Variants in DGKB observed in about 807,000 individuals in gnomAD.
The protein encoded by DGKB is diacylglycerol kinase beta.
DGKB carries 67 observed loss-of-function variants against 114.3 expected under a neutral mutation model. The observed-to-expected ratio is 0.59, with a 90% confidence interval of 0.48 to 0.72. The LOEUF is 0.72. Among genes scored for constraint, DGKB ranks in the 30% least tolerant of loss-of-function variants. DGKB has a pLI of 0.00. For synonymous variants in DGKB, 398 were observed against 323.1 expected, an observed-to-expected ratio of 1.23 and a Z score of -2.49; for missense variants, 907 against 975.2, an observed-to-expected ratio of 0.93 and a Z score of 0.93.
chr7:14,286,664 A>T (rs902616131), intron 23 of DGKB, among the ~76,000 whole-genome samples: 1 of 152,130 alleles, frequency 6.6e-6, no homozygotes, highest in Admixed American at 6.6e-5. Flanking sequence ...TATAAAATAC[A>T]TGTTTTTCAA....
Position 14,585,039 on chromosome 7 carries a change from T to A in DGKB, c.1434-1902A>T, listed in dbSNP as rs113715213. On this transcript the variant is annotated intron_variant, in intron 17 of 25. Coordinates refer to ENST00000402815, the MANE Select transcript of DGKB (RefSeq NM_001350709.2). The stretch of plus-strand genomic sequence containing the variant: ...TTTAAATTTGCATCATTTAAAAAAA[T>A]TTTGTCAAGGTAATACCAACACTGC... Among the ~76,000 whole-genome samples, 374 of 152,194 alleles carry A rather than the reference T, an allele frequency of 2.5e-3. 2 individuals carry two copies. Among genetic ancestry groups the A allele is most frequent in the African/African-American group, 8.6e-3 (359 of 41,516 alleles).
chr7:14,744,721 A>G (rs1833023597), intron 4 of DGKB, among the ~76,000 whole-genome samples: 1 of 152,234 alleles, frequency 6.6e-6, no homozygotes, highest in Non-Finnish European at 1.5e-5. Flanking sequence ...TTTTGCAAAC[A>G]ACTCAGTCCT....
intron 23 of DGKB, among the ~76,000 whole-genome samples, chr7:14,296,613 C>A (rs1270636027): frequency 6.6e-6 from 1 of 151,916 alleles, no homozygotes; most frequent in Non-Finnish European, 1.5e-5. Flanking sequence ...AAAATGGACA[C>A]CCTAACTTCA....
intron 25 of DGKB, among the ~76,000 whole-genome samples, chr7:14,159,829 C>T (rs765980127): frequency 2.6e-5 from 4 of 152,110 alleles, no homozygotes; most frequent in East Asian, 1.9e-4. Context: ...TCCACCACCA[C>T]GCCCAGCTAA....
At chr7:14,607,347 T>G in intron 17 of DGKB, 87 bp downstream of exon 17, 1 of 733,022 alleles carries the variant, frequency 1.4e-6, no homozygotes, top group Non-Finnish European at 2.4e-6. Flanking sequence ...TGTGTTCAAA[T>G]AACATTATTT....
intron 25 of DGKB, among the ~76,000 whole-genome samples, chr7:14,162,039 C>T (rs2128225659): frequency 6.6e-6 from 1 of 152,280 alleles, no homozygotes; most frequent in East Asian, 1.9e-4. Flanking sequence ...TAAGCAGGCT[C>T]ACTCTTTAAA....
chr7:14,342,283 C>A (rs1003894213), intron 22 of DGKB, among the ~76,000 whole-genome samples: 3 of 151,774 alleles, frequency 2.0e-5, no homozygotes, highest in Admixed American at 6.6e-5. Flanking sequence ...AACCAAAAGA[C>A]TGAAATATCT....
intron 2 of DGKB, among the ~76,000 whole-genome samples, chr7:14,785,065 T>C (rs916921133): frequency 7.9e-5 from 12 of 152,182 alleles, no homozygotes; most frequent in African/African-American, 2.7e-4. Context: ...GTGCTTTCTA[T>C]AAAGAAAGGG....
In DGKB at chr7:14,499,334, A is replaced by G. The variant is rs927559328; in HGVS notation, c.1771-21109T>C. On this transcript the variant is annotated intron_variant, in intron 20 of 25. Coordinates refer to ENST00000402815, the MANE Select transcript of DGKB (RefSeq NM_001350709.2). ...AGACTTAACAACTTTGGCAGGAAGC[A>G]AGTCTTCATTTGATTTGAAAAATAT... Among the ~76,000 whole-genome samples the G allele has an allele frequency of 2.0e-5, 3 of 151,850 alleles. No homozygotes were observed. The Admixed American group carries it at 2.0e-4, about 10-fold the overall frequency.
chr7:14,479,322 G>T (rs1782647676), intron 20 of DGKB, among the ~76,000 whole-genome samples: 2 of 152,174 alleles, frequency 1.3e-5, no homozygotes, highest in Admixed American at 1.3e-4. Flanking sequence ...AACAAAGCAT[G>T]AAGCACAAAA....
At chr7:14,788,818 T>C (rs1052534810) in intron 2 of DGKB, among the ~76,000 whole-genome samples, 7 of 152,158 alleles carry the variant, frequency 4.6e-5, no homozygotes, top group Non-Finnish European at 8.8e-5. Context: ...ACAAACTACC[T>C]TCCCAATGGC....
chr7:14,808,296 T>G (rs1372794666), intron 2 of DGKB, among the ~76,000 whole-genome samples: 4 of 152,096 alleles, frequency 2.6e-5, no homozygotes, highest in African/African-American at 4.8e-5. Flanking sequence ...AATAAGTTTT[T>G]ACAGTAGAAA....
At chr7:14,412,953 C>T (rs956901515) in intron 21 of DGKB, among the ~76,000 whole-genome samples, 1 of 149,056 alleles carries the variant, frequency 6.7e-6, no homozygotes, top group African/African-American at 2.5e-5. Context: ...TGCACTGCAG[C>T]CCAGGTGACA....
chr7:14,648,972 C>T, intron 13 of DGKB, among the ~76,000 whole-genome samples: 1 of 82,108 alleles, frequency 1.2e-5, no homozygotes, highest in Non-Finnish European at 2.5e-5. Context: ...ATGAGCAAAG[C>T]CTCCAAGAAA....
chr7:14,199,484 A>G (rs1401416446), intron 23 of DGKB, among the ~76,000 whole-genome samples: 2 of 152,088 alleles, frequency 1.3e-5, no homozygotes, highest in Non-Finnish European at 2.9e-5. Context: ...TCAAAGTAAG[A>G]TAGAGTAACT....
At chr7:14,198,274 A>G (rs1785312937) in intron 23 of DGKB, among the ~76,000 whole-genome samples, 1 of 152,112 alleles carries the variant, frequency 6.6e-6, no homozygotes, top group Non-Finnish European at 1.5e-5. Flanking sequence ...AAAAAATTTC[A>G]TTAGGGAAAT....
chr7:14,635,730 C>A (rs1810624253), intron 13 of DGKB, among the ~76,000 whole-genome samples: 1 of 151,408 alleles, frequency 6.6e-6, no homozygotes, highest in Non-Finnish European at 1.5e-5. Flanking sequence ...GGACAGGGAT[C>A]TGAGGGAAGT....
chr7:14,930,215 G>T (rs1784945404), intron 1 of DGKB, among the ~76,000 whole-genome samples: 1 of 151,986 alleles, frequency 6.6e-6, no homozygotes, highest in Admixed American at 6.6e-5. Flanking sequence ...GGTCTTTTTG[G>T]TTCCATATGA....
intron 22 of DGKB, among the ~76,000 whole-genome samples, chr7:14,340,832 C>T (rs367854998): frequency 1.3e-5 from 2 of 151,830 alleles, no homozygotes; most frequent in East Asian, 3.9e-4. Flanking sequence ...GGCCTGGCTT[C>T]CATTTTCACT....
Sources: allele counts gnomAD v4.1 joint callset (sites outside exome capture counted in the v4.1 genomes callset), GRCh38; gene constraint gnomAD v4.1.1; transcripts MANE v1.5; gene names NCBI Gene and HGNC (gene_info 2026-07-23, HGNC 2026-07-21).